USP6NL: variants seen among roughly 807,000 people sequenced by gnomAD.
USP6NL encodes USP6 N-terminal-like protein.
A neutral mutation model predicts 61.9 loss-of-function variants in USP6NL; 26 were observed. The ratio of observed to expected loss-of-function variants is 0.42; its 90% CI spans 0.31 to 0.58. The LOEUF is 0.58. USP6NL is among the 20% of genes least tolerant of loss of function. USP6NL has a pLI of 0.16. For missense variants in USP6NL, 1,114 were observed against 1,034.3 expected (o/e 1.08, Z -1.06); for synonymous variants, 432 against 390.1 (o/e 1.11, Z -1.27).
chr10:11,516,181 T>C (rs1834948418), intron 5 of USP6NL, among the ~76,000 whole-genome samples: 2 of 152,178 alleles, frequency 1.3e-5, no homozygotes, highest in South Asian at 2.1e-4. Flanking sequence ...CTAATCCTCT[T>C]AGGAAGGACT....
chr10:11,597,458 A>G lies in USP6NL; in HGVS notation c.4+173T>C, dbSNP rs944428822. ...CTTTTTAGAATAAATCAAACATCAG[A>G]AAGTATCTCCTTGTCTTAACACAGA... is the stretch of plus-strand genomic sequence containing the variant. On this transcript the variant is annotated intron_variant, in intron 2 of 14. Transcript: ENST00000609104. The surrounding 1 kb of genome is among the most constrained non-coding windows in gnomAD (Gnocchi z 4.6). Among the ~76,000 whole-genome samples, 4 of 152,250 alleles carry G rather than the reference A, an allele frequency of 2.6e-5. No individual in the cohort carries two copies. Among genetic ancestry groups the G allele is most frequent in the Admixed American group, 6.5e-5 (1 of 15,288 alleles).
rs1255095907 is a variant in USP6NL, at chr10:11,575,705, T to C, written c.4+21926A>G. Among the ~76,000 whole-genome samples the C allele has an allele frequency of 4.6e-5, 7 of 152,238 alleles. No homozygotes were observed. Among genetic ancestry groups the C allele is most frequent in the African/African-American group, 1.4e-4 (6 of 41,462 alleles). ...CTGCTAAGCAATCAATAGCTTTTTC[T>C]TGTTTCTCTCATTTTTCATCACACA... On this transcript the variant is annotated intron_variant, in intron 2 of 14. Coordinates refer to ENST00000609104, the MANE Select transcript of USP6NL (RefSeq NM_014688.5). The surrounding 1 kb of genome is among the most constrained non-coding windows in gnomAD (Gnocchi z 4.2).
Position 11,596,572 on chromosome 10 carries a change from G to C in USP6NL, c.4+1059C>G, listed in dbSNP as rs572677131. 6.6e-6 allele frequency among the ~76,000 whole-genome samples: 1 copy of C among 151,720 alleles called. No individual in the cohort carries two copies. Among genetic ancestry groups the C allele is most frequent in the East Asian group, 1.9e-4 (1 of 5,154 alleles). On this transcript the variant is annotated intron_variant, in intron 2 of 14. Transcript: ENST00000609104. The surrounding 1 kb of genome is among the most constrained non-coding windows in gnomAD (Gnocchi z 4.1). ...CCAGGAGGTGGAGCTTGCAGTGAGC[G>C]GAGATGGTGCCACTGCACTGCAGCC...
In USP6NL at chr10:11,485,184, C is replaced by T; in HGVS notation, c.810G>A (p.Gln270=). The T allele has an allele frequency of 6.5e-7, 1 of 1,536,478 alleles. No individual in the cohort carries two copies. The highest frequency in any genetic ancestry group is 1.3e-5 in the South Asian group (1 of 79,072). ...AAATACTTACACGATCAAGGAAACACTGAAAAAACCATTTCATTGTGTAAA... is the reference window on the plus strand; with the variant it reads ...AAATACTTACACGATCAAGGAAACATTGAAAAAACCATTTCATTGTGTAAA... ...TSFYTMKWFF[Q]CFLDRTPFTL... is the part of the protein sequence containing the mutation. The change falls in exon 12 of 15, where the codon CAG becomes CAA. Residue 270 remains glutamine (Q), a synonymous_variant. Coordinates refer to ENST00000609104, the MANE Select transcript of USP6NL (RefSeq NM_014688.5). This position sits in a 1 kb window ranked among gnomAD's most constrained non-coding sequence, Gnocchi z 4.8.
intron 4 of USP6NL, among the ~76,000 whole-genome samples, chr10:11,521,376 TA>T (rs1471412761): frequency 9.7e-5 from 14 of 144,096 alleles, no homozygotes; most frequent in East Asian, 4.6e-4. Context: ...ATTATTTATA[TA>T]TTTTTTTTTA....
At chr10:11,545,496 A>G (rs946520037) in intron 2 of USP6NL, among the ~76,000 whole-genome samples, 1 of 152,338 alleles carries the variant, frequency 6.6e-6, no homozygotes, top group Admixed American at 6.5e-5. Flanking sequence ...ACCAGCCCAG[A>G]GAAACATATC....
chr10:11,607,592 G>A (rs1298957565), intron 1 of USP6NL, among the ~76,000 whole-genome samples: 1 of 152,118 alleles, frequency 6.6e-6, no homozygotes, highest in Non-Finnish European at 1.5e-5. Flanking sequence ...AGGGTGAGGT[G>A]GGAGAATCGC....
rs529922340 is a variant in USP6NL, at chr10:11,602,450, G to T, written c.-83-4733C>A. Reference sequence around the variant, plus strand: ...ATAAATCTTACTATTCATTCATTCAGTATTTACCGAGTAGCTATTATGAGC... The same window carrying T: ...ATAAATCTTACTATTCATTCATTCATTATTTACCGAGTAGCTATTATGAGC... On this transcript the variant is annotated intron_variant, in intron 1 of 14. Coordinates refer to ENST00000609104, the MANE Select transcript of USP6NL (RefSeq NM_014688.5). This position sits in a 1 kb window ranked among gnomAD's most constrained non-coding sequence, Gnocchi z 4.8. Among the ~76,000 whole-genome samples the T allele has an allele frequency of 6.6e-6, 1 of 151,716 alleles. No individual in the cohort carries two copies. The highest frequency in any genetic ancestry group is 1.5e-5 in the Non-Finnish European group (1 of 67,790).
intron 7 of USP6NL, among the ~76,000 whole-genome samples, chr10:11,500,280 A>G (rs546456221): frequency 6.6e-6 from 1 of 152,224 alleles, no homozygotes; most frequent in East Asian, 1.9e-4. Flanking sequence ...CATGGCACAC[A>G]TTTACCTATG....
chr10:11,606,883 C>T (rs1452628381), intron 1 of USP6NL, among the ~76,000 whole-genome samples: 3 of 149,704 alleles, frequency 2.0e-5, no homozygotes, highest in African/African-American at 4.9e-5. Flanking sequence ...CTCCATCTCT[C>T]GGGTTCAAGT....
Position 11,597,676 on chromosome 10 carries a change from A to G in USP6NL, c.-42T>C, listed in dbSNP as rs1457900696. ...GAATGTTGTCCCAATCAGATATTAA[A>G]CCAAAATCTGCTGTCCAAGGTTTCT... On this transcript the variant is annotated 5_prime_UTR_variant, in exon 2 of 15. Transcript: ENST00000609104. The surrounding 1 kb of genome is among the most constrained non-coding windows in gnomAD (Gnocchi z 4.6). 18 of 1,538,588 alleles carry G rather than the reference A, an allele frequency of 1.2e-5. No homozygotes were observed. Among genetic ancestry groups the G allele is most frequent in the Admixed American group, 2.0e-5 (1 of 50,940 alleles).
chr10:11,555,455 G>T (rs1026664598), intron 2 of USP6NL, among the ~76,000 whole-genome samples: 2,840 of 80,620 alleles, frequency 0.035, 48 homozygotes, highest in Non-Finnish European at 0.047. Flanking sequence ...TATATATAGA[G>T]AGAGAGAGAG....
rs749117055 is a variant in USP6NL, at chr10:11,596,623, C to CAAA, written c.4+1005_4+1007dup. Among the ~76,000 whole-genome samples, 1 of 63,284 alleles carries CAAA rather than the reference C, an allele frequency of 1.6e-5. No individual in the cohort carries two copies. Among genetic ancestry groups the CAAA allele is most frequent in the Admixed American group, 1.8e-4 (1 of 5,470 alleles). 41.5% of individuals were successfully genotyped at this position (63,284 alleles called of 152,430 possible). A position where few individuals can be genotyped will look rare whatever the true frequency, so the allele number is the denominator to read the frequency against. Reference sequence around the variant, plus strand: ...TGGGCGACAGAGGGAGACTCCGTCTCAAAAAAAAAAAAAAAAACTCTTTCT... The same window carrying CAAA: ...TGGGCGACAGAGGGAGACTCCGTCTCAAAAAAAAAAAAAAAAAAAACTCTTTCT... On this transcript the variant is annotated intron_variant, in intron 2 of 14. Transcript: ENST00000609104. This position sits in a 1 kb window ranked among gnomAD's most constrained non-coding sequence, Gnocchi z 4.1.
At chr10:11,524,567 G>T (rs1835345066) in intron 4 of USP6NL, among the ~76,000 whole-genome samples, 1 of 151,952 alleles carries the variant, frequency 6.6e-6, no homozygotes, top group Admixed American at 6.6e-5. Context: ...AAAAAGAAAA[G>T]GAGAAAATAA....
At chr10:11,582,120 G>A (rs747715734) in intron 2 of USP6NL, among the ~76,000 whole-genome samples, 1 of 152,144 alleles carries the variant, frequency 6.6e-6, no homozygotes, top group African/African-American at 2.4e-5. Context: ...GCCTGCCACC[G>A]CACCTGGCTA....
chr10:11,539,560 A>T (rs1268338576), intron 2 of USP6NL, among the ~76,000 whole-genome samples: 1 of 152,276 alleles, frequency 6.6e-6, no homozygotes, highest in Non-Finnish European at 1.5e-5. Flanking sequence ...TAGCTGTTGC[A>T]TATGAGTGCA....
intron 2 of USP6NL, among the ~76,000 whole-genome samples, chr10:11,566,921 G>A (rs908681652): frequency 6.6e-6 from 1 of 152,202 alleles, no homozygotes; most frequent in Non-Finnish European, 1.5e-5. Context: ...AGACCAGCCT[G>A]GGCAACACAG....
Position 11,589,724 on chromosome 10 carries a change from T to C in USP6NL, c.4+7907A>G, listed in dbSNP as rs748681409. Among the ~76,000 whole-genome samples, 6 of 152,216 alleles carry C rather than the reference T, an allele frequency of 3.9e-5. No individual in the cohort carries two copies. Among genetic ancestry groups the C allele is most frequent in the Non-Finnish European group, 4.4e-5 (3 of 68,040 alleles). On this transcript the variant is annotated intron_variant, in intron 2 of 14. Transcript: ENST00000609104. The surrounding 1 kb of genome is among the most constrained non-coding windows in gnomAD (Gnocchi z 4.7). ...TTCTAACATCTAAAACAGGCAACTGTATTTTTAAAAAGACATTGTGACGCC... is the reference window on the plus strand; with the variant it reads ...TTCTAACATCTAAAACAGGCAACTGCATTTTTAAAAAGACATTGTGACGCC...
At chr10:11,521,032 T>C (rs571169177) in intron 4 of USP6NL, among the ~76,000 whole-genome samples, 21 of 152,304 alleles carry the variant, frequency 1.4e-4, no homozygotes, top group African/African-American at 5.1e-4. Flanking sequence ...ACTGGATACA[T>C]TGTTCATCTA....
Sources: allele counts gnomAD v4.1 joint callset (sites outside exome capture counted in the v4.1 genomes callset), GRCh38; gene constraint gnomAD v4.1.1; non-coding constraint Gnocchi (gnomAD v3.1); transcripts MANE v1.5; gene names NCBI Gene and HGNC (gene_info 2026-07-23, HGNC 2026-07-21).